Variants in COBL observed in about 807,000 individuals in gnomAD.
The protein encoded by COBL is cordon-bleu WH2 repeat protein, also known as protein cordon-bleu.
Under a neutral mutation model 98.8 loss-of-function variants are expected in COBL, and 51 were observed. That is an observed-to-expected ratio of 0.52 (90% CI 0.41 to 0.65). The LOEUF is 0.65. Among genes scored for constraint, COBL ranks in the 30% least tolerant of loss-of-function variants. COBL has a pLI of 0.00. For synonymous variants in COBL, 634 were observed against 651.7 expected (o/e 0.97, Z 0.41); for missense variants, 1,617 against 1,617.5 (o/e 1.00, Z 0.01).
intron 6 of COBL, among the ~76,000 whole-genome samples, chr7:51,122,356 C>T (rs1353531371): frequency 1.3e-5 from 2 of 152,160 alleles, no homozygotes; most frequent in East Asian, 3.9e-4. Flanking sequence ...CACAGGTTCC[C>T]AGGGATGTTT....
intron 1 of COBL, among the ~76,000 whole-genome samples, chr7:51,228,443 AG>A (rs1309501808): frequency 6.6e-6 from 1 of 151,934 alleles, no homozygotes; most frequent in Non-Finnish European, 1.5e-5. Context: ...GCGAGGGTAG[AG>A]TAGAAGCTGG....
At chr7:51,078,670 C>T (rs1479718951) in intron 7 of COBL, among the ~76,000 whole-genome samples, 3 of 152,232 alleles carry the variant, frequency 2.0e-5, no homozygotes, top group East Asian at 3.9e-4. Flanking sequence ...CTAAGCATGG[C>T]TTTGCTGGGT....
intron 6 of COBL, among the ~76,000 whole-genome samples, chr7:51,108,891 C>T (rs187423641): frequency 1.3e-5 from 2 of 151,254 alleles, no homozygotes; most frequent in Admixed American, 6.6e-5. Flanking sequence ...GGAGCCGTCA[C>T]ACAAAGATAC....
intron 3 of COBL, 73 bp from the exon 4 acceptor site, chr7:51,191,151 G>T: frequency 7.4e-7 from 1 of 1,355,484 alleles, no homozygotes; most frequent in South Asian, 1.3e-5. Flanking sequence ...GTGTCAATTT[G>T]ACAATTGGGT....
intron 1 of COBL, among the ~76,000 whole-genome samples, chr7:51,222,713 CA>C (rs920077657): frequency 6.8e-6 from 1 of 146,724 alleles, no homozygotes; most frequent in Non-Finnish European, 1.5e-5. Flanking sequence ...AAGGTGTTTT[CA>C]GGGGAAAAAA....
chr7:51,037,116 T>C (rs541040385), intron 8 of COBL, among the ~76,000 whole-genome samples: 1 of 152,208 alleles, frequency 6.6e-6, no homozygotes, highest in Non-Finnish European at 1.5e-5. Flanking sequence ...CATGCACACA[T>C]ATATATGTGT....
intron 2 of COBL, among the ~76,000 whole-genome samples, chr7:51,209,475 GTTCTGA>G (rs1354776380): frequency 6.6e-6 from 1 of 152,178 alleles, no homozygotes; most frequent in Non-Finnish European, 1.5e-5. Flanking sequence ...ACTACCATGA[GTTCTGA>G]TTCTTTCAGA....
At chr7:51,303,300 C>T (rs1001418395) in intron 1 of COBL, among the ~76,000 whole-genome samples, 7 of 152,184 alleles carry the variant, frequency 4.6e-5, no homozygotes, top group South Asian at 4.1e-4. Flanking sequence ...GTGGCTCACA[C>T]CTGTAATCCC....
intron 1 of COBL, among the ~76,000 whole-genome samples, chr7:51,234,404 C>G (rs1336205026): frequency 6.6e-6 from 1 of 152,210 alleles, no homozygotes; most frequent in East Asian, 1.9e-4. Flanking sequence ...ACACCACCAT[C>G]AAGAGTTCCG....
chr7:51,041,478 C>CTTTTTTTTTTT (rs773830122), intron 8 of COBL, among the ~76,000 whole-genome samples: 4 of 80,022 alleles, frequency 5.0e-5, no homozygotes, highest in African/African-American at 1.5e-4. Context: ...TATTTCTTTC[C>CTTTTTTTTTTT]TTTTTTTTTT....
intron 1 of COBL, among the ~76,000 whole-genome samples, chr7:51,287,360 T>C (rs1206655996): frequency 6.6e-6 from 1 of 152,182 alleles, no homozygotes; most frequent in East Asian, 1.9e-4. Flanking sequence ...AAAAGACATA[T>C]GGATGGTAAA....
chr7:51,037,119 A>G (rs1057017566), intron 8 of COBL, among the ~76,000 whole-genome samples: 4 of 152,162 alleles, frequency 2.6e-5, no homozygotes, highest in South Asian at 2.1e-4. Context: ...GCACACATAT[A>G]TATGTGTCTA....
chr7:51,277,688 GC>G (rs1799434990), intron 1 of COBL, among the ~76,000 whole-genome samples: 1 of 152,092 alleles, frequency 6.6e-6, no homozygotes, highest in South Asian at 2.1e-4. Flanking sequence ...GGAATACTCT[GC>G]CCATTGTAGT....
In COBL at chr7:51,262,820, T is replaced by C. The variant is rs536688965; in HGVS notation, c.42-42876A>G. ...AGGGCAATAATGAAGAAGCTGTCCT[T>C]CCCTCACTGCCCACGCCCTACCAGC... is the stretch of plus-strand genomic sequence containing the variant. On this transcript the variant is annotated intron_variant, in intron 1 of 12. Transcript: ENST00000265136. Among the ~76,000 whole-genome samples, 3 of 152,156 alleles carry C rather than the reference T, an allele frequency of 2.0e-5. No individual in the cohort carries two copies. In the South Asian group the frequency reaches 6.2e-4, roughly 32 times the overall value.
At chr7:51,165,601 T>C (rs976466270) in intron 5 of COBL, among the ~76,000 whole-genome samples, 1 of 151,990 alleles carries the variant, frequency 6.6e-6, no homozygotes, top group Non-Finnish European at 1.5e-5. Context: ...TAATCTACAG[T>C]GTAGATCGAA....
intron 5 of COBL, among the ~76,000 whole-genome samples, chr7:51,183,794 C>G (rs1351014343): frequency 6.6e-6 from 1 of 152,132 alleles, no homozygotes; most frequent in African/African-American, 2.4e-5. Flanking sequence ...CAGCCACAGG[C>G]AGAGTTCTGT....
intron 1 of COBL, among the ~76,000 whole-genome samples, chr7:51,265,506 C>T (rs1798116491): frequency 6.6e-6 from 1 of 152,156 alleles, no homozygotes; most frequent in Admixed American, 6.5e-5. Flanking sequence ...TGTTTGCAGC[C>T]CTAGGAATAG....
chr7:51,196,925 T>C (rs1440365088), intron 2 of COBL, among the ~76,000 whole-genome samples: 2 of 152,098 alleles, frequency 1.3e-5, no homozygotes, highest in African/African-American at 4.8e-5. Flanking sequence ...TTTTCTTCTT[T>C]ATTAGCCTAG....
At chr7:51,202,257 T>A (rs191553406) in intron 2 of COBL, among the ~76,000 whole-genome samples, 125 of 152,236 alleles carry the variant, frequency 8.2e-4, no homozygotes, top group Non-Finnish European at 4.4e-5. Context: ...AGGGTAAAAA[T>A]GAATCTTCTA....
Sources: allele counts gnomAD v4.1 joint callset (sites outside exome capture counted in the v4.1 genomes callset), GRCh38; gene constraint gnomAD v4.1.1; transcripts MANE v1.5; gene names NCBI Gene and HGNC (gene_info 2026-07-23, HGNC 2026-07-21).